ADAMTSL1: variants seen among roughly 807,000 people sequenced by gnomAD.
ADAMTSL1 encodes the protein ADAMTS-like protein 1.
Under a neutral mutation model 201.8 loss-of-function variants are expected in ADAMTSL1, and 126 were observed. The ratio of observed to expected loss-of-function variants is 0.62; its 90% CI spans 0.54 to 0.72. The LOEUF (loss-of-function observed/expected upper bound fraction) is 0.72, where lower values mean the gene tolerates loss of function less well. Among genes scored for constraint, ADAMTSL1 ranks in the 30% least tolerant of loss-of-function variants. ADAMTSL1 has a pLI of 0.00. For synonymous variants in ADAMTSL1, 1,121 were observed against 903.4 expected (o/e 1.24, Z -4.32); for missense variants, 2,679 against 2,277.8 (o/e 1.18, Z -3.59).
At chr9:18,079,237 T>A (rs1421473056) in intron 1 of ADAMTSL1, among the ~76,000 whole-genome samples, 1 of 152,190 alleles carries the variant, frequency 6.6e-6, no homozygotes, top group African/African-American at 2.4e-5. Context: ...TAAAGAAGGG[T>A]TTTTAAATCT....
intron 2 of ADAMTSL1, among the ~76,000 whole-genome samples, chr9:18,394,511 A>G (rs945194331): frequency 9.2e-5 from 14 of 152,368 alleles, no homozygotes; most frequent in Non-Finnish European, 1.3e-4. Flanking sequence ...ACAGAAATGG[A>G]GAGAGAATAG....
intron 2 of ADAMTSL1, among the ~76,000 whole-genome samples, chr9:18,199,565 C>T (rs1025906001): frequency 5.9e-5 from 9 of 152,040 alleles, no homozygotes; most frequent in Non-Finnish European, 8.8e-5. Flanking sequence ...TTATCATTTT[C>T]AACTTAAATG....
chr9:18,750,493 A>G (rs1471745559), intron 15 of ADAMTSL1, among the ~76,000 whole-genome samples: 1 of 152,212 alleles, frequency 6.6e-6, no homozygotes, highest in African/African-American at 2.4e-5. Context: ...TTGTGTGAAT[A>G]TATCATAATT....
intron 1 of ADAMTSL1, among the ~76,000 whole-genome samples, chr9:17,932,329 G>A (rs111616087): frequency 5.7e-4 from 87 of 152,254 alleles, no homozygotes; most frequent in African/African-American, 1.9e-3. Context: ...AGAGGGTCCC[G>A]GGTATGGAGC....
At chr9:18,774,898 C>A (rs140184721) in intron 17 of ADAMTSL1, among the ~76,000 whole-genome samples, 1 of 152,158 alleles carries the variant, frequency 6.6e-6, no homozygotes, top group East Asian at 1.9e-4. Flanking sequence ...GGGTAGATAC[C>A]CAGTAGTAAA....
At chr9:18,094,078 C>T (rs548052994) in intron 1 of ADAMTSL1, among the ~76,000 whole-genome samples, 2 of 152,170 alleles carry the variant, frequency 1.3e-5, no homozygotes, top group East Asian at 3.9e-4. Context: ...GAGTAATGTA[C>T]CCAGAGTAGA....
At chr9:18,332,309 G>A (rs531678136) in intron 2 of ADAMTSL1, among the ~76,000 whole-genome samples, 1 of 152,248 alleles carries the variant, frequency 6.6e-6, no homozygotes, top group African/African-American at 2.4e-5. Context: ...TATATTTAGG[G>A]ATGGGTATGT....
intron 2 of ADAMTSL1, among the ~76,000 whole-genome samples, chr9:18,295,872 T>A (rs1198762118): frequency 6.6e-6 from 1 of 152,224 alleles, no homozygotes; most frequent in East Asian, 1.9e-4. Context: ...TAAAAATGTA[T>A]TAACATAAAG....
At chr9:18,874,924 T>C (rs1230727625) in intron 23 of ADAMTSL1, among the ~76,000 whole-genome samples, 2 of 152,122 alleles carry the variant, frequency 1.3e-5, no homozygotes, top group East Asian at 3.9e-4. Context: ...CAATTTTTTA[T>C]TACCATTTCA....
chr9:18,676,002 G>A (rs1830111679), intron 10 of ADAMTSL1, 95 bp downstream of exon 10: 1 of 1,205,610 alleles, frequency 8.3e-7, no homozygotes, highest in Non-Finnish European at 1.2e-6. Flanking sequence ...TAGAGAGAGA[G>A]ATTATATGTT....
chr9:18,910,318 A>G lies in ADAMTSL1; in HGVS notation c.*1770A>G, dbSNP rs987341882. On this transcript the variant is annotated 3_prime_UTR_variant, in exon 29 of 29. Transcript: ENST00000380548. ...CTATGTCTGTATATCTTTTGTGAAT[A>G]TTTATTAGGATTTCTTATTAAAAAA... is the stretch of plus-strand genomic sequence containing the variant. 6.6e-6 allele frequency: 1 copy of G among 151,860 alleles called. No individual in the cohort carries two copies. The highest frequency in any genetic ancestry group is 1.5e-5 in the Non-Finnish European group (1 of 68,014). The allele number at this position is 151,860 out of a possible 1,614,324, so 9.4% of individuals were successfully genotyped here.
chr9:18,784,734 T>C (rs1350072803), intron 19 of ADAMTSL1, among the ~76,000 whole-genome samples: 3 of 152,238 alleles, frequency 2.0e-5, no homozygotes, highest in Non-Finnish European at 4.4e-5. Flanking sequence ...GTAACATTTA[T>C]AGAGCACTTA....
At chr9:18,619,128 G>T (rs1303004152) in intron 4 of ADAMTSL1, among the ~76,000 whole-genome samples, 1 of 152,022 alleles carries the variant, frequency 6.6e-6, no homozygotes, top group Non-Finnish European at 1.5e-5. Flanking sequence ...AATAGCATGT[G>T]CACAGAGGGC....
intron 2 of ADAMTSL1, among the ~76,000 whole-genome samples, chr9:18,455,972 A>T (rs546398338): frequency 6.6e-6 from 1 of 152,294 alleles, no homozygotes; most frequent in South Asian, 2.1e-4. Context: ...CTCTGACTAA[A>T]AGCCCTCCCA....
chr9:18,426,417 C>A (rs1819224848), intron 2 of ADAMTSL1, among the ~76,000 whole-genome samples: 1 of 152,110 alleles, frequency 6.6e-6, no homozygotes, highest in Non-Finnish European at 1.5e-5. Flanking sequence ...TAAGAAAAGA[C>A]CATGGTCAAA....
chr9:18,451,907 T>G (rs1820421619), intron 2 of ADAMTSL1, among the ~76,000 whole-genome samples: 1 of 152,078 alleles, frequency 6.6e-6, no homozygotes, highest in Non-Finnish European at 1.5e-5. Context: ...GCAAGAGAGG[T>G]CCAAGCTCCC....
At chr9:18,301,971 C>CACAT (rs1833724909) in intron 2 of ADAMTSL1, among the ~76,000 whole-genome samples, 1 of 152,194 alleles carries the variant, frequency 6.6e-6, no homozygotes, top group African/African-American at 2.4e-5. Context: ...GCACCTCAGA[C>CACAT]ACATGATCAT....
At chr9:18,242,270 G>T (rs1454820824) in intron 2 of ADAMTSL1, among the ~76,000 whole-genome samples, 1 of 152,064 alleles carries the variant, frequency 6.6e-6, no homozygotes, top group Non-Finnish European at 1.5e-5. Context: ...CCACATGATT[G>T]TCTCACTTGA....
rs71506010 is a variant in ADAMTSL1, at chr9:18,656,650, A to AAAT, written c.835-989_835-988insAAT. On this transcript the variant is annotated intron_variant, in intron 7 of 28. Transcript: ENST00000380548. Reference sequence around the variant, plus strand: ...TCGCAAAAAAAAAAAAAAAAAGAAAATGTTAAGACTGAAAAACACTTAACA... The same window carrying AAAT: ...TCGCAAAAAAAAAAAAAAAAAGAAAAAATTGTTAAGACTGAAAAACACTTAACA... Among the ~76,000 whole-genome samples, 42 of 148,484 alleles carry AAAT rather than the reference A, an allele frequency of 2.8e-4. 1 individual carries two copies. Among genetic ancestry groups the AAAT allele is most frequent in the Middle Eastern group, 3.6e-3 (1 of 278 alleles).
Sources: gnomAD v4.1 joint callset for allele counts (sites outside exome capture counted in the v4.1 genomes callset) on GRCh38, gnomAD v4.1.1 for gene constraint, MANE v1.5 for transcripts, NCBI Gene and HGNC (gene_info 2026-07-23, HGNC 2026-07-21) for gene names.